The following TEAD1 variants were observed in gnomAD, a reference collection of about 807,000 sequenced individuals.
TEAD1 encodes the protein TEA domain transcription factor 1, also known as transcriptional enhancer factor TEF-1.
A neutral mutation model predicts 54.9 loss-of-function variants in TEAD1; 9 were observed. The observed-to-expected ratio is 0.16, with a 90% confidence interval of 0.10 to 0.29. TEAD1 has a LOEUF of 0.29. TEAD1 is among the 10% of genes least tolerant of loss of function. The pLI is 1.00. For missense variants in TEAD1, 387 were observed against 535.9 expected, an observed-to-expected ratio of 0.72 and a Z score of 2.74; for synonymous variants, 200 against 187.8, an observed-to-expected ratio of 1.07 and a Z score of -0.53.
At chr11:12,927,006 C>T (rs1377131334) in intron 11 of TEAD1, among the ~76,000 whole-genome samples, 1 of 152,178 alleles carries the variant, frequency 6.6e-6, no homozygotes, top group African/African-American at 2.4e-5. Flanking sequence ...AATTCCCTGC[C>T]TGGACAGGTG....
chr11:12,834,856 A>G (rs559747862), intron 3 of TEAD1, among the ~76,000 whole-genome samples: 1 of 151,250 alleles, frequency 6.6e-6, no homozygotes, highest in South Asian at 2.1e-4. Flanking sequence ...GCCTCAAGCT[A>G]TCCTCCTGCC....
intron 9 of TEAD1, among the ~76,000 whole-genome samples, chr11:12,891,630 C>G (rs1948199629): frequency 6.6e-6 from 1 of 152,164 alleles, no homozygotes; most frequent in African/African-American, 2.4e-5. Flanking sequence ...CTTTCATTCT[C>G]AAAATAAGCT....
chr11:12,915,317 A>T (rs34493874), intron 10 of TEAD1, among the ~76,000 whole-genome samples: 3,624 of 152,276 alleles, frequency 0.024, 62 homozygotes, highest in Non-Finnish European at 0.037. Context: ...GGGCAGGAGT[A>T]GCCTTCACTT....
intron 2 of TEAD1, among the ~76,000 whole-genome samples, chr11:12,679,538 C>T (rs1462636810): frequency 6.6e-6 from 1 of 152,120 alleles, no homozygotes; most frequent in East Asian, 1.9e-4. Context: ...CTTACTGATA[C>T]ATAAACTGAA....
At chr11:12,777,410 C>T (rs539317664) in intron 3 of TEAD1, among the ~76,000 whole-genome samples, 1 of 152,120 alleles carries the variant, frequency 6.6e-6, no homozygotes, top group East Asian at 1.9e-4. Context: ...GTGACTTGCC[C>T]GATATTTTGT....
chr11:12,803,188 GCTTT>G (rs1946099918), intron 3 of TEAD1, among the ~76,000 whole-genome samples: 1 of 151,848 alleles, frequency 6.6e-6, no homozygotes, highest in Non-Finnish European at 1.5e-5. Context: ...TCCCCGAGAG[GCTTT>G]CTAAGCTCTT....
At chr11:12,724,359 G>A (rs1466829507) in intron 2 of TEAD1, among the ~76,000 whole-genome samples, 5 of 152,236 alleles carry the variant, frequency 3.3e-5, no homozygotes, top group Admixed American at 1.3e-4. Context: ...AAACAAGATG[G>A]ATCACATTTT....
chr11:12,869,026 G>A (rs1462200416), intron 5 of TEAD1, among the ~76,000 whole-genome samples: 1 of 152,210 alleles, frequency 6.6e-6, no homozygotes, highest in African/African-American at 2.4e-5. Flanking sequence ...TTTCCATAAA[G>A]TTGGGACTAT....
chr11:12,781,347 T>C lies in TEAD1; in HGVS notation c.202+16913T>C, dbSNP rs754431668. Among the ~76,000 whole-genome samples the C allele has an allele frequency of 4.6e-5, 7 of 152,230 alleles. No individual in the cohort carries two copies. In the East Asian group the frequency reaches 5.8e-4, roughly 13 times the overall value. On this transcript the variant is annotated intron_variant, in intron 3 of 12. Transcript: ENST00000527636. The stretch of plus-strand genomic sequence containing the variant: ...AAAATTCATGAAAATTAAAAAACTT[T>C]CCTGCTTCAAAGGATATCATCAAGA...
intron 3 of TEAD1, among the ~76,000 whole-genome samples, chr11:12,847,353 A>G (rs1346181321): frequency 6.6e-6 from 1 of 152,124 alleles, no homozygotes; most frequent in Non-Finnish European, 1.5e-5. Flanking sequence ...GTGGTGTAGC[A>G]AGCTTGTGCT....
At chr11:12,862,403 A>C in intron 4 of TEAD1, 89 bp downstream of exon 4, 1 of 1,201,350 alleles carries the variant, frequency 8.3e-7, no homozygotes, top group Non-Finnish European at 1.2e-6. Context: ...TTTGGCTCCT[A>C]GGAGCCCCCA....
intron 2 of TEAD1, among the ~76,000 whole-genome samples, chr11:12,736,282 G>A (rs569527647): frequency 3.3e-5 from 5 of 152,058 alleles, no homozygotes; most frequent in Non-Finnish European, 7.4e-5. Flanking sequence ...AAGGCTTTAC[G>A]TTTTCTAGCT....
In TEAD1 at chr11:12,879,626, A is replaced by G. The variant is rs759059727; in HGVS notation, c.331-82A>G. Reference sequence around the variant, plus strand: ...ATTTTGTGGCTCTGTATTTTAGTCCATGTGCTCGTGGCTGTGCCTGTGTAA... The same window carrying G: ...ATTTTGTGGCTCTGTATTTTAGTCCGTGTGCTCGTGGCTGTGCCTGTGTAA... On this transcript the variant is annotated intron_variant, in intron 5 of 12. Transcript: ENST00000527636. 16 of 1,574,526 alleles carry G rather than the reference A, an allele frequency of 1.0e-5. No homozygotes were observed. The South Asian group carries it at 1.3e-4, about 13-fold the overall frequency.
At chr11:12,749,722 C>T (rs560512768) in intron 2 of TEAD1, among the ~76,000 whole-genome samples, 12 of 152,286 alleles carry the variant, frequency 7.9e-5, no homozygotes, top group South Asian at 2.1e-4. Flanking sequence ...TGCTTGTGGA[C>T]GGCTTAGAGT....
intron 2 of TEAD1, among the ~76,000 whole-genome samples, chr11:12,745,043 G>A (rs1188990410): frequency 6.6e-6 from 1 of 152,162 alleles, no homozygotes; most frequent in Non-Finnish European, 1.5e-5. Context: ...ACCTGGTCAG[G>A]GAGTGTGGTG....
At chr11:12,880,281 C>T (rs535967498) in intron 6 of TEAD1, among the ~76,000 whole-genome samples, 3 of 152,314 alleles carry the variant, frequency 2.0e-5, no homozygotes, top group East Asian at 1.9e-4. Context: ...ATTTTGACAC[C>T]TACCAAAGGC....
At chr11:12,838,422 T>C (rs950790294) in intron 3 of TEAD1, among the ~76,000 whole-genome samples, 1 of 152,244 alleles carries the variant, frequency 6.6e-6, no homozygotes, top group Non-Finnish European at 1.5e-5. Context: ...CTCTGAGATA[T>C]AAATTCCAAA....
intron 3 of TEAD1, among the ~76,000 whole-genome samples, chr11:12,806,663 A>G (rs938941482): frequency 5.3e-5 from 8 of 152,238 alleles, no homozygotes; most frequent in African/African-American, 1.7e-4. Flanking sequence ...ACTGCCTTTC[A>G]TACTTCAGAG....
intron 11 of TEAD1, among the ~76,000 whole-genome samples, chr11:12,926,078 A>G (rs1373787286): frequency 2.0e-5 from 3 of 152,166 alleles, no homozygotes; most frequent in Non-Finnish European, 2.9e-5. Context: ...AGTGTCTTCT[A>G]TCCATCACCC....
Sources: allele counts gnomAD v4.1 joint callset (sites outside exome capture counted in the v4.1 genomes callset), GRCh38; gene constraint gnomAD v4.1.1; transcripts MANE v1.5; gene names NCBI Gene and HGNC (gene_info 2026-07-23, HGNC 2026-07-21).